Variants in ANKRD62 observed in about 807,000 individuals in gnomAD.
The protein encoded by ANKRD62 is ankyrin repeat domain 62.
Under a neutral mutation model 98.8 loss-of-function variants are expected in ANKRD62, and 61 were observed. The observed-to-expected ratio is 0.62, with a 90% CI of 0.50 to 0.76. The LOEUF is 0.76. ANKRD62 is among the 30% of genes least tolerant of loss of function. ANKRD62 has a pLI of 0.00. For missense variants in ANKRD62, 933 were observed against 1,082.9 expected, an observed-to-expected ratio of 0.86 and a Z score of 1.94; for synonymous variants, 341 against 367.9, an observed-to-expected ratio of 0.93 and a Z score of 0.84.
chr18:12,173,873 G>T, the ANKRD62 span, among the ~76,000 whole-genome samples: 3 of 152,318 alleles, frequency 2.0e-5, no homozygotes, highest in Non-Finnish European at 2.9e-5. Context: ...TAGTCTGATG[G>T]ATTTCCCTTT....
intron 10 of ANKRD62, among the ~76,000 whole-genome samples, chr18:12,118,608 TAAAAAAAAAAAAAA>T (rs34897974): frequency 9.2e-5 from 13 of 141,088 alleles, no homozygotes; most frequent in Admixed American, 7.8e-4. Context: ...GGCTCTGTCT[TAAAAAAAAAAAAAA>T]AAAAAAGAAA....
chr18:12,115,419 T>C lies in ANKRD62; in HGVS notation c.1125T>C (p.Asp375=). The C allele has an allele frequency of 6.5e-7, 1 of 1,535,608 alleles. No individual in the cohort carries two copies. Among genetic ancestry groups the C allele is most frequent in the Non-Finnish European group, 8.7e-7 (1 of 1,146,078 alleles). ...SKVKSQIYFT[D]DLNDISGSSE... is the part of the protein sequence containing the mutation. The stretch of plus-strand genomic sequence containing the variant: ...TTAAAAGCCAAATATATTTCACGGA[T>C]GACCTTAATGACATAAGTGGGTCAT... Residue 375 remains aspartate, a synonymous_variant, in exon 10 of 14, where the codon GAT becomes GAC. Coordinates refer to ENST00000587848, the MANE Select transcript of ANKRD62 (RefSeq NM_001277333.2).
chr18:12,138,870 C>A, the ANKRD62 span, among the ~76,000 whole-genome samples: 6 of 152,044 alleles, frequency 3.9e-5, no homozygotes, highest in African/African-American at 1.4e-4. Flanking sequence ...TGCAACCCCT[C>A]CCTTTTTTTG....
the ANKRD62 span, among the ~76,000 whole-genome samples, chr18:12,138,616 T>A: frequency 6.6e-6 from 1 of 152,186 alleles, no homozygotes; most frequent in African/African-American, 2.4e-5. Context: ...ACTTTCTGTC[T>A]CGTTGATCTG....
Position 12,099,573 on chromosome 18 carries a change from G to C in ANKRD62, c.753-42G>C, listed in dbSNP as rs113607364. 3,380 of 1,266,948 alleles carry C rather than the reference G, an allele frequency of 2.7e-3. 62 individuals carry two copies. In the African/African-American group the frequency reaches 0.033, roughly 13 times the overall value. The allele number at this position is 1,266,948 out of a possible 1,614,324, so 78.5% of individuals were successfully genotyped here. ...GTATTTGGTAAAGTTTTTCATATCAGTATTAAAATAGTAATTGTATTTACT... is the reference window on the plus strand; with the variant it reads ...GTATTTGGTAAAGTTTTTCATATCACTATTAAAATAGTAATTGTATTTACT... On this transcript the variant is annotated intron_variant, in intron 5 of 13. Transcript: ENST00000587848.
the ANKRD62 span, among the ~76,000 whole-genome samples, chr18:12,160,056 CTT>C: frequency 1.3e-5 from 2 of 151,998 alleles, no homozygotes; most frequent in Non-Finnish European, 2.9e-5. Context: ...TTCTTATAAA[CTT>C]AGTTTTGATA....
the ANKRD62 span, among the ~76,000 whole-genome samples, chr18:12,152,834 G>A: frequency 6.6e-6 from 1 of 152,182 alleles, no homozygotes; most frequent in East Asian, 1.9e-4. Context: ...AAACCCCATA[G>A]TTGAAGCCGA....
chr18:12,121,850 T>C (rs1909788032), intron 10 of ANKRD62, among the ~76,000 whole-genome samples: 1 of 152,222 alleles, frequency 6.6e-6, no homozygotes, highest in South Asian at 2.1e-4. Context: ...CAGCACCCGT[T>C]GCTCCCTCTT....
chr18:12,111,495 C>T (rs1374642620), intron 8 of ANKRD62, among the ~76,000 whole-genome samples: 2 of 152,100 alleles, frequency 1.3e-5, no homozygotes, highest in Non-Finnish European at 2.9e-5. Flanking sequence ...TGAAAAGTGG[C>T]ACTAGACAAG....
At chr18:12,141,326 C>G in the ANKRD62 span, among the ~76,000 whole-genome samples, 3 of 152,226 alleles carry the variant, frequency 2.0e-5, no homozygotes, top group Non-Finnish European at 4.4e-5. Context: ...CCTCGCCCTG[C>G]TTCAGCTCAC....
At chr18:12,133,289 A>G (rs1166900308), downstream of ANKRD62, among the ~76,000 whole-genome samples, 2 of 152,198 alleles carry the variant, frequency 1.3e-5, no homozygotes, top group African/African-American at 4.8e-5. Flanking sequence ...TCTATTGCAG[A>G]GAAATACCAC....
chr18:12,103,034 G>A (rs978521771), intron 6 of ANKRD62, 124 bp from the exon 7 acceptor site: 2 of 724,064 alleles, frequency 2.8e-6, no homozygotes, highest in East Asian at 6.9e-5. Flanking sequence ...TAAAGATTAA[G>A]CTTCATTAAA....
chr18:12,104,879 TA>T (rs1909380013), intron 7 of ANKRD62, among the ~76,000 whole-genome samples: 1 of 152,142 alleles, frequency 6.6e-6, no homozygotes, highest in South Asian at 2.1e-4. Context: ...GATTTTTATT[TA>T]AATGAAAATA....
chr18:12,162,606 C>A, the ANKRD62 span, among the ~76,000 whole-genome samples: 3 of 152,042 alleles, frequency 2.0e-5, no homozygotes, highest in African/African-American at 7.2e-5. Flanking sequence ...ATCCAATGTC[C>A]TAGAGAGTTT....
At chr18:12,170,615 G>A in the ANKRD62 span, among the ~76,000 whole-genome samples, 4 of 152,248 alleles carry the variant, frequency 2.6e-5, no homozygotes, top group Middle Eastern at 3.4e-3. Context: ...TGTTGATTTG[G>A]GGTGGAGAGT....
At chr18:12,119,932 C>T (rs1239223653) in intron 10 of ANKRD62, among the ~76,000 whole-genome samples, 1 of 151,856 alleles carries the variant, frequency 6.6e-6, no homozygotes, top group African/African-American at 2.4e-5. Flanking sequence ...TTTCTTTTTT[C>T]ATCATCTCTT....
At chr18:12,175,653 A>T in the ANKRD62 span, among the ~76,000 whole-genome samples, 1 of 152,168 alleles carries the variant, frequency 6.6e-6, no homozygotes, top group South Asian at 2.1e-4. Context: ...GCAAGCAGGC[A>T]TGACCAGGCT....
the ANKRD62 span, among the ~76,000 whole-genome samples, chr18:12,154,243 C>G: frequency 1.3e-5 from 2 of 152,112 alleles, no homozygotes; most frequent in Non-Finnish European, 2.9e-5. Context: ...GGAGCTTAAA[C>G]AAATTTACAA....
the ANKRD62 span, among the ~76,000 whole-genome samples, chr18:12,173,653 C>T: frequency 6.6e-6 from 1 of 152,156 alleles, no homozygotes; most frequent in Non-Finnish European, 1.5e-5. Flanking sequence ...ATTGAGTGCT[C>T]TTATCAGGAG....
Sources: gnomAD v4.1 joint callset for allele counts (sites outside exome capture counted in the v4.1 genomes callset) on GRCh38, gnomAD v4.1.1 for gene constraint, MANE v1.5 for transcripts, NCBI Gene and HGNC (gene_info 2026-07-23, HGNC 2026-07-21) for gene names.